The following PRKCH variants were observed in gnomAD, a reference collection of about 807,000 sequenced individuals.
The protein encoded by PRKCH is protein kinase C eta.
In PRKCH, 28 loss-of-function variants were observed where a neutral mutation model predicts 82.5. That is an observed-to-expected ratio of 0.34 (90% CI 0.25 to 0.47). PRKCH has a LOEUF of 0.47. Ranked by LOEUF, PRKCH falls within the 20% of genes least tolerant of loss-of-function variation. The pLI is 1.00. For missense variants in PRKCH, 705 were observed against 881.8 expected (o/e 0.80, Z 2.54); for synonymous variants, 322 against 327.4 (o/e 0.98, Z 0.18).
chr14:61,456,931 A>T, intron 7 of PRKCH: 1 of 398,882 alleles, frequency 2.5e-6, no homozygotes, highest in East Asian at 4.5e-5. Flanking sequence ...CTTGAGCGCT[A>T]ACTGTAACTC....
chr14:61,348,480 T>C (rs889803599), intron 1 of PRKCH, among the ~76,000 whole-genome samples: 2 of 152,208 alleles, frequency 1.3e-5, no homozygotes, highest in Non-Finnish European at 1.5e-5. Flanking sequence ...TGGGATGAAA[T>C]AAGCCACTTT....
intron 1 of PRKCH, among the ~76,000 whole-genome samples, chr14:61,332,659 C>T (rs1282280521): frequency 6.6e-6 from 1 of 152,198 alleles, no homozygotes; most frequent in East Asian, 1.9e-4. Flanking sequence ...ATTAATAAGT[C>T]ATATAGGCCA....
At chr14:61,548,022 C>T (rs1447571041) in intron 13 of PRKCH, 136 bp downstream of exon 13, 1 of 1,148,986 alleles carries the variant, frequency 8.7e-7, no homozygotes, top group South Asian at 1.6e-5. Context: ...AGGGCAGCCT[C>T]CCCTGGGGGG....
At chr14:61,509,583 A>G (rs575337519) in intron 10 of PRKCH, among the ~76,000 whole-genome samples, 1 of 152,226 alleles carries the variant, frequency 6.6e-6, no homozygotes, top group Non-Finnish European at 1.5e-5. Context: ...GGGTGCTTAG[A>G]AAAGGCAACT....
chr14:61,415,626 T>A (rs1882508956), intron 2 of PRKCH, among the ~76,000 whole-genome samples: 1 of 152,222 alleles, frequency 6.6e-6, no homozygotes, highest in Admixed American at 6.5e-5. Context: ...ATGCCATATT[T>A]GTCTGGTTCC....
At chr14:61,269,819 T>A (rs958303366) in intron 1 of PRKCH, among the ~76,000 whole-genome samples, 1 of 152,172 alleles carries the variant, frequency 6.6e-6, no homozygotes, top group African/African-American at 2.4e-5. Flanking sequence ...ACAATCAACC[T>A]GAGAAATTGT....
chr14:61,346,967 T>A (rs955258341), intron 1 of PRKCH, among the ~76,000 whole-genome samples: 1 of 152,198 alleles, frequency 6.6e-6, no homozygotes, highest in Non-Finnish European at 1.5e-5. Context: ...ACAAGCATTG[T>A]TTAGGAATGG....
chr14:61,478,855 T>C (rs928425107), intron 9 of PRKCH, among the ~76,000 whole-genome samples: 32 of 152,160 alleles, frequency 2.1e-4, no homozygotes, highest in African/African-American at 7.5e-4. Context: ...AGCAAGACCC[T>C]GTCTCAAAAA....
intron 1 of PRKCH, among the ~76,000 whole-genome samples, chr14:61,368,289 A>C (rs1221305485): frequency 1.3e-5 from 2 of 151,024 alleles, no homozygotes; most frequent in African/African-American, 4.9e-5. Flanking sequence ...TCTGGCTATT[A>C]CCAGTACTTC....
At position 61,401,848 on chromosome 14, in the gene PRKCH, A is replaced by G. The variant is rs548608411; in HGVS notation, c.427+10560A>G. The stretch of plus-strand genomic sequence containing the variant: ...GTGTGATTGAGTTGTTAGCTGAGCT[A>G]GCCACTTTTTGCATGGAACACCATT... On this transcript the variant is annotated intron_variant, in intron 2 of 13. Transcript: ENST00000332981. Among the ~76,000 whole-genome samples the G allele has an allele frequency of 1.2e-3, 181 of 152,368 alleles. 2 individuals carry two copies. In the Middle Eastern group the frequency reaches 0.017, roughly 14 times the overall value.
chr14:61,549,770 C>G lies in PRKCH; in HGVS notation c.1991C>G (p.Pro664Arg). 6.2e-7 allele frequency: 1 copy of G among 1,613,952 alleles called. No individual in the cohort carries two copies. ...VLTPIDEGHL[P>R]MINQDEFRNF... ...ACTCCAATTGATGAGGGACATCTTC[C>G]AATGATTAACCAGGATGAGTTTAGA... is the stretch of plus-strand genomic sequence containing the variant. Residue 664 changes from proline to arginine, a missense_variant, in exon 14 of 14, where the codon CCA (proline) becomes CGA (arginine). This residue lies in a region of PRKCH where 91 missense variants were observed against 81.2 expected (regional missense o/e 1.12). Transcript: ENST00000332981.
At chr14:61,219,298 A>G (rs567981819) in intron 1 of PRKCH, among the ~76,000 whole-genome samples, 1 of 152,326 alleles carries the variant, frequency 6.6e-6, no homozygotes, top group East Asian at 1.9e-4. Flanking sequence ...TAAATAAGAA[A>G]TCTTTTAGTA....
At chr14:61,499,121 C>G (rs1005309714) in intron 10 of PRKCH, among the ~76,000 whole-genome samples, 6 of 152,080 alleles carry the variant, frequency 3.9e-5, no homozygotes, top group Admixed American at 3.3e-4. Flanking sequence ...GTGTTGAGAC[C>G]AAATCCTTCT....
chr14:61,328,914 A>T (rs1036176779), intron 1 of PRKCH, among the ~76,000 whole-genome samples: 1 of 151,502 alleles, frequency 6.6e-6, no homozygotes, highest in Non-Finnish European at 1.5e-5. Context: ...TGAGCCTGGG[A>T]GGTTGAGGCT....
At chr14:61,311,938 C>T (rs1374064110) in intron 1 of PRKCH, among the ~76,000 whole-genome samples, 7 of 152,144 alleles carry the variant, frequency 4.6e-5, no homozygotes, top group Non-Finnish European at 1.0e-4. Context: ...ATAATCAGAT[C>T]TCACAAGAAC....
chr14:61,489,253 A>G (rs1241238641), intron 10 of PRKCH, among the ~76,000 whole-genome samples: 1 of 152,162 alleles, frequency 6.6e-6, no homozygotes, highest in Non-Finnish European at 1.5e-5. Flanking sequence ...CCTCTGACCT[A>G]TCCAAACAGA....
At chr14:61,241,603 G>C (rs2044837812) in intron 1 of PRKCH, among the ~76,000 whole-genome samples, 2 of 151,924 alleles carry the variant, frequency 1.3e-5, no homozygotes, top group African/African-American at 4.8e-5. Context: ...GACCAAATAT[G>C]TATTTTACTG....
chr14:61,529,446 A>G (rs1442219401), intron 11 of PRKCH, among the ~76,000 whole-genome samples: 2 of 152,108 alleles, frequency 1.3e-5, no homozygotes, highest in African/African-American at 4.8e-5. Context: ...CTATAAAGAC[A>G]CATGCACACG....
chr14:61,507,376 G>C lies in PRKCH; in HGVS notation c.1434-21699G>C, dbSNP rs139095124. Among the ~76,000 whole-genome samples the C allele has an allele frequency of 1.3e-3, 191 of 152,192 alleles. 2 individuals are homozygous for C. Among genetic ancestry groups the C allele is most frequent in the African/African-American group, 4.5e-3 (185 of 41,488 alleles). ...AGCCACTAAGCAAAACAATATGTAG[G>C]TTCCTCAAAAAAATTACAAATAGAA... On this transcript the variant is annotated intron_variant, in intron 10 of 13. Coordinates refer to ENST00000332981, the MANE Select transcript of PRKCH (RefSeq NM_006255.5).
Sources: allele counts gnomAD v4.1 joint callset (sites outside exome capture counted in the v4.1 genomes callset), GRCh38; gene constraint gnomAD v4.1.1; regional missense constraint gnomAD v4.1.1; transcripts MANE v1.5; gene names NCBI Gene and HGNC (gene_info 2026-07-23, HGNC 2026-07-21).